Variants in AK6 observed in about 807,000 individuals in gnomAD.
AK6 encodes adenylate kinase 6, also known as adenylate kinase isoenzyme 6.
In AK6, 24 loss-of-function variants were observed where a neutral mutation model predicts 23.7. That is an observed-to-expected ratio of 1.01 (90% CI 0.73 to 1.43). AK6 has a LOEUF of 1.43. Ranked by LOEUF, AK6 falls within the 40% of genes most tolerant of loss-of-function variation. The pLI is 0.00. For synonymous variants in AK6, 73 were observed against 69.8 expected (o/e 1.05, Z -0.23); for missense variants, 191 against 199.1 (o/e 0.96, Z 0.24).
At chr5:69,354,065 G>A (rs1374638077) in intron 4 of AK6, among the ~76,000 whole-genome samples, 2 of 152,004 alleles carry the variant, frequency 1.3e-5, no homozygotes, top group African/African-American at 4.8e-5. Context: ...GGTGTGAGCC[G>A]TCCTGCCTCC....
intron 2 of AK6, among the ~76,000 whole-genome samples, chr5:69,360,707 C>G (rs1379222310): frequency 1.3e-5 from 2 of 152,030 alleles, no homozygotes; most frequent in Non-Finnish European, 2.9e-5. Context: ...AGTTAGTTTC[C>G]AAGGCTTCCA....
intron 2 of AK6, chr5:69,365,378 G>GT: frequency 1.2e-6 from 2 of 1,614,218 alleles, no homozygotes; most frequent in Non-Finnish European, 1.7e-6. Flanking sequence ...CTGTTAAGCA[G>GT]TATCTATCAG....
chr5:69,351,995 G>T lies in AK6; in HGVS notation c.*66C>A. On this transcript the variant is annotated 3_prime_UTR_variant, in exon 5 of 5. Transcript: ENST00000380822. ...TTTTAATAAAGTGTTACTGACACTT[G>T]AACAATTTCTATGATGTCGGCAGAG... 1 of 1,406,012 alleles carries T rather than the reference G, an allele frequency of 7.1e-7. No individual in the cohort carries two copies. The highest frequency in any genetic ancestry group is 1.3e-5 in the South Asian group (1 of 74,438). The allele number at this position is 1,406,012 out of a possible 1,614,324, so 87.1% of individuals were successfully genotyped here.
Position 69,355,809 on chromosome 5 carries a change from T to A in AK6, c.181-15A>T, listed in dbSNP as rs773558736. ...TCATCAACTACCTGTAAGAAAAGTT[T>A]AAAAAAAAATGCTTCTTAAGAAAAC... On this transcript the variant is annotated splice_polypyrimidine_tract_variant and intron_variant, in intron 3 of 4. Transcript: ENST00000380822. 15 of 1,586,838 alleles carry A rather than the reference T, an allele frequency of 9.5e-6. No homozygotes were observed. In the East Asian group the frequency reaches 2.0e-4, roughly 21 times the overall value.
intron 4 of AK6, among the ~76,000 whole-genome samples, chr5:69,354,628 C>G (rs921695025): frequency 2.0e-5 from 3 of 152,132 alleles, no homozygotes; most frequent in African/African-American, 7.2e-5. Flanking sequence ...ATCTGATGCT[C>G]TATTTGTGGG....
At position 69,351,850 on chromosome 5, in the gene AK6, T is replaced by C; in HGVS notation, c.*211A>G. The C allele has an allele frequency of 2.6e-6, 1 of 387,266 alleles. No homozygotes were observed. Among genetic ancestry groups the C allele is most frequent in the Non-Finnish European group, 4.5e-6 (1 of 220,380 alleles). The allele number at this position is 387,266 out of a possible 1,614,324, so 24.0% of individuals were successfully genotyped here. On this transcript the variant is annotated 3_prime_UTR_variant, in exon 5 of 5. Transcript: ENST00000380822. ...AGCAATTTAAGTATTAAAATCACAG[T>C]TTTTGTCTCAATCCTTAATAATACT...
At chr5:69,363,255 T>C (rs775790135) in intron 2 of AK6, among the ~76,000 whole-genome samples, 3 of 152,122 alleles carry the variant, frequency 2.0e-5, no homozygotes, top group Admixed American at 2.0e-4. Flanking sequence ...TAAGTACTGG[T>C]AGGAGAGGAC....
In AK6 at chr5:69,366,527, T is replaced by A. The variant is rs1762433040; in HGVS notation, c.97A>T (p.Asn33Tyr). The change falls in exon 2 of 5, where the codon AAT becomes TAT. Residue 33 changes from asparagine to tyrosine, a missense_variant. Asn to Tyr is a moderately radical substitution (Grantham distance 143, BLOSUM62 -2). Transcript: ENST00000380822. ...LASKSGLKYI[N>Y]VGDLAREEQL... ...CCTTCTCGAGCTAAATCACCCACAT[T>A]AATGTATTTCAGTCCTGATTTTGAC... 2 of 1,613,888 alleles carry A rather than the reference T, an allele frequency of 1.2e-6. No homozygotes were observed. The highest frequency in any genetic ancestry group is 1.7e-6 in the Non-Finnish European group (2 of 1,179,984).
At chr5:69,361,764 C>T (rs1762243770) in intron 2 of AK6, among the ~76,000 whole-genome samples, 1 of 151,946 alleles carries the variant, frequency 6.6e-6, no homozygotes, top group Admixed American at 6.6e-5. Flanking sequence ...ACCACCATAC[C>T]TGGCTACTTT....
intron 4 of AK6, among the ~76,000 whole-genome samples, chr5:69,354,301 T>G (rs1467973395): frequency 6.6e-6 from 1 of 152,220 alleles, no homozygotes; most frequent in Non-Finnish European, 1.5e-5. Context: ...AAACTTTTAA[T>G]GGCTTTTCAC....
rs376232365 is a variant in AK6, at chr5:69,365,201, G to A, written c.121+1302C>T. 27 of 1,614,074 alleles carry A rather than the reference G, an allele frequency of 1.7e-5. No homozygotes were observed. The African/African-American group carries it at 2.8e-4, about 17-fold the overall frequency. ...TAAACCTTTGACCTGTGAGGGACAT[G>A]GGAGTCCCTACTTTAGTTGAAACAG... On this transcript the variant is annotated intron_variant, in intron 2 of 4. Coordinates refer to ENST00000380822, the MANE Select transcript of AK6 (RefSeq NM_016283.5).
chr5:69,366,650 C>T (rs1281712608), intron 1 of AK6, 55 bp from the exon 2 acceptor site: 9 of 1,241,576 alleles, frequency 7.2e-6, no homozygotes, highest in Admixed American at 1.7e-5. Context: ...TATCACACTG[C>T]GGTCCACCTT....
At chr5:69,367,976 C>G (rs966696974) in intron 1 of AK6, 5 of 152,158 alleles carry the variant, frequency 3.3e-5, no homozygotes, top group African/African-American at 1.2e-4. Context: ...ACCAGCCTGG[C>G]CAACATAATG....
In AK6 at chr5:69,355,631, A is replaced by G. The variant is rs769170721; in HGVS notation, c.326+18T>C. 1 of 1,576,172 alleles carries G rather than the reference A, an allele frequency of 6.3e-7. No homozygotes were observed. Among genetic ancestry groups the G allele is most frequent in the South Asian group, 1.2e-5 (1 of 84,994 alleles). ...GTTAACATTATGCTTTAAGAATCTAATGTTTTTCCTTTCTTACCTTGTTTC... is the reference window on the plus strand; with the variant it reads ...GTTAACATTATGCTTTAAGAATCTAGTGTTTTTCCTTTCTTACCTTGTTTC... On this transcript the variant is annotated intron_variant, in intron 4 of 4. Transcript: ENST00000380822.
At chr5:69,361,969 CTTTTTTTTT>C (rs112797204) in intron 2 of AK6, among the ~76,000 whole-genome samples, 5 of 104,838 alleles carry the variant, frequency 4.8e-5, no homozygotes, top group East Asian at 2.9e-4. Context: ...ACTTGATTCC[CTTTTTTTTT>C]TTTTTTTTTT....
intron 2 of AK6, among the ~76,000 whole-genome samples, chr5:69,363,850 G>A (rs1762311412): frequency 6.6e-6 from 1 of 152,064 alleles, no homozygotes. Context: ...CACTCTGGGA[G>A]GCCGAGGTGG....
intron 2 of AK6, 71 bp from the exon 3 acceptor site, chr5:69,356,024 G>T (rs1186359656): frequency 7.6e-6 from 10 of 1,318,918 alleles, no homozygotes; most frequent in Non-Finnish European, 9.5e-6. Flanking sequence ...ATTAATTCTA[G>T]ACTTCAGGAA....
At chr5:69,352,429 G>T (rs903983525) in intron 4 of AK6, among the ~76,000 whole-genome samples, 176 bp from the exon 5 acceptor site, 1 of 151,936 alleles carries the variant, frequency 6.6e-6, no homozygotes, top group East Asian at 1.9e-4. Context: ...TTGACACTAG[G>T]GTGAAACTAA....
chr5:69,358,669 G>A lies in AK6; in HGVS notation c.122-2716C>T, dbSNP rs370242663. Reference sequence around the variant, plus strand: ...GTCTACTGCAGATTTTTAGGTAAGTGATGATTGTAGCCTGTACCAGAGAAA... The same window carrying A: ...GTCTACTGCAGATTTTTAGGTAAGTAATGATTGTAGCCTGTACCAGAGAAA... On this transcript the variant is annotated intron_variant, in intron 2 of 4. Transcript: ENST00000380822. Among the ~76,000 whole-genome samples the A allele has an allele frequency of 3.4e-4, 51 of 152,054 alleles. No individual in the cohort carries two copies. In the East Asian group the frequency reaches 9.7e-3, roughly 29 times the overall value.
Sources: allele counts gnomAD v4.1 joint callset (sites outside exome capture counted in the v4.1 genomes callset), GRCh38; gene constraint gnomAD v4.1.1; transcripts MANE v1.5; gene names NCBI Gene and HGNC (gene_info 2026-07-23, HGNC 2026-07-21).